DPYS: variants seen among roughly 807,000 people sequenced by gnomAD.
DPYS encodes the protein dihydropyrimidine amidohydrolase.
DPYS carries 39 observed loss-of-function variants against 50.3 expected under a neutral mutation model. The ratio of observed to expected loss-of-function variants is 0.78; its 90% CI spans 0.60 to 1.01. DPYS has a LOEUF of 1.01. Ranked by LOEUF, DPYS falls within the 50% of genes least tolerant of loss-of-function variation. The pLI, the probability that DPYS is intolerant of heterozygous loss-of-function variation, is 0.00. For missense variants in DPYS, 659 were observed against 680.9 expected, an observed-to-expected ratio of 0.97 and a Z score of 0.36; for synonymous variants, 245 against 250.7, an observed-to-expected ratio of 0.98 and a Z score of 0.22.
At chr8:104,440,556 C>A (rs557350664) in intron 4 of DPYS, among the ~76,000 whole-genome samples, 1 of 152,098 alleles carries the variant, frequency 6.6e-6, no homozygotes, top group South Asian at 2.1e-4. Flanking sequence ...TGAGCCACCT[C>A]GACCAGTCTG....
intron 8 of DPYS, among the ~76,000 whole-genome samples, chr8:104,386,435 A>G (rs903872192): frequency 5.9e-5 from 9 of 151,624 alleles, no homozygotes; most frequent in Admixed American, 5.9e-4. Flanking sequence ...TGGGAGGCTG[A>G]GGCAGGAGAA....
chr8:104,444,450 C>G lies in DPYS; in HGVS notation c.604-13G>C. ...TCTTCTTTGCTCCCTAAAAAGACAG[C>G]AGGAATGTGTATATGTGCAAGGAAG... On this transcript the variant is annotated splice_polypyrimidine_tract_variant and intron_variant, in intron 3 of 9. Coordinates refer to ENST00000351513, the MANE Select transcript of DPYS (RefSeq NM_001385.3). The G allele has an allele frequency of 1.2e-6, 2 of 1,614,016 alleles. No individual in the cohort carries two copies. The highest frequency in any genetic ancestry group is 1.7e-6 in the Non-Finnish European group (2 of 1,179,978).
chr8:104,445,219 A>G (rs1362696361), intron 3 of DPYS, among the ~76,000 whole-genome samples: 1 of 152,234 alleles, frequency 6.6e-6, no homozygotes, highest in Non-Finnish European at 1.5e-5. Context: ...TCTTCAAAAG[A>G]CTAAAAACAG....
Position 104,392,674 on chromosome 8 carries a change from T to C in DPYS, c.1443+110A>G, listed in dbSNP as rs1811428390. On this transcript the variant is annotated intron_variant, in intron 8 of 9. Coordinates refer to ENST00000351513, the MANE Select transcript of DPYS (RefSeq NM_001385.3). The stretch of plus-strand genomic sequence containing the variant: ...TCAATCCTGACACCCCAGGAATACA[T>C]TAAACCAAGTGTGATGTGTCAACAC... 8.8e-6 allele frequency: 12 copies of C among 1,356,654 alleles called. No homozygotes were observed. The Admixed American group carries it at 1.7e-4, about 19-fold the overall frequency. The allele number at this position is 1,356,654 out of a possible 1,614,324, so 84.0% of individuals were successfully genotyped here. A position where few individuals can be genotyped will look rare whatever the true frequency, so the allele number is the denominator to read the frequency against.
intron 7 of DPYS, among the ~76,000 whole-genome samples, chr8:104,405,107 T>C (rs1004110774): frequency 5.9e-5 from 9 of 152,176 alleles, no homozygotes; most frequent in African/African-American, 2.2e-4. Flanking sequence ...CCACTAAAAG[T>C]TGCAGTGGCA....
At chr8:104,409,841 G>A (rs1371483766) in intron 7 of DPYS, among the ~76,000 whole-genome samples, 1 of 152,178 alleles carries the variant, frequency 6.6e-6, no homozygotes, top group African/African-American at 2.4e-5. Flanking sequence ...AAAGAGCCTC[G>A]AAGAGGGGAG....
chr8:104,446,016 G>C (rs570933579), intron 3 of DPYS, among the ~76,000 whole-genome samples: 1 of 152,314 alleles, frequency 6.6e-6, no homozygotes, highest in African/African-American at 2.4e-5. Context: ...CTGCACTCCA[G>C]CCTAGGCAAC....
At chr8:104,382,787 A>G (rs1053096042) in intron 8 of DPYS, among the ~76,000 whole-genome samples, 1 of 151,926 alleles carries the variant, frequency 6.6e-6, no homozygotes, top group Admixed American at 6.6e-5. Flanking sequence ...TCCTCTTGGC[A>G]TTCATACTCA....
At chr8:104,406,003 T>C (rs537036264) in intron 7 of DPYS, among the ~76,000 whole-genome samples, 42 of 152,200 alleles carry the variant, frequency 2.8e-4, no homozygotes, top group Non-Finnish European at 5.1e-4. Flanking sequence ...ATTATAATCA[T>C]TCCCCTTTGA....
At chr8:104,412,731 G>A (rs1397445622) in intron 7 of DPYS, among the ~76,000 whole-genome samples, 1 of 152,184 alleles carries the variant, frequency 6.6e-6, no homozygotes, top group East Asian at 1.9e-4. Flanking sequence ...GGCAGTGAGA[G>A]CTAGTACCTG....
At chr8:104,408,842 T>C (rs2140565800) in intron 7 of DPYS, among the ~76,000 whole-genome samples, 1 of 151,730 alleles carries the variant, frequency 6.6e-6, no homozygotes, top group African/African-American at 2.4e-5. Flanking sequence ...AGATAGAGTT[T>C]CACTCTTGTT....
At chr8:104,462,510 T>G (rs1814206317) in intron 1 of DPYS, among the ~76,000 whole-genome samples, 1 of 152,154 alleles carries the variant, frequency 6.6e-6, no homozygotes, top group Admixed American at 6.5e-5. Context: ...TTTTGAGAAC[T>G]TTTTGTCCTT....
chr8:104,453,404 T>C (rs2140743913), intron 1 of DPYS, among the ~76,000 whole-genome samples: 1 of 152,356 alleles, frequency 6.6e-6, no homozygotes, highest in East Asian at 1.9e-4. Flanking sequence ...CTTCCCAGTA[T>C]GACAAGACAT....
intron 1 of DPYS, among the ~76,000 whole-genome samples, chr8:104,453,990 G>A (rs1813843579): frequency 6.6e-6 from 1 of 152,198 alleles, no homozygotes; most frequent in Non-Finnish European, 1.5e-5. Flanking sequence ...TCCAGAAGAG[G>A]CAAATCCATA....
intron 1 of DPYS, among the ~76,000 whole-genome samples, chr8:104,465,319 A>G (rs2140789893): frequency 6.6e-6 from 1 of 152,036 alleles, no homozygotes; most frequent in South Asian, 2.1e-4. Flanking sequence ...TGATGGAGAG[A>G]AGGAGGGAGG....
At chr8:104,438,430 A>T (rs1023859777) in intron 4 of DPYS, among the ~76,000 whole-genome samples, 1 of 152,224 alleles carries the variant, frequency 6.6e-6, no homozygotes, top group African/African-American at 2.4e-5. Context: ...AATATGTAGC[A>T]AACTAAAATA....
Position 104,466,940 on chromosome 8 carries a change from C to A in DPYS, c.-20G>T, listed in dbSNP as rs896591171. 1.7e-5 allele frequency: 25 copies of A among 1,432,458 alleles called. No homozygotes were observed. The East Asian group carries it at 5.9e-4, about 34-fold the overall frequency. 88.7% of individuals were successfully genotyped at this position (1,432,458 alleles called of 1,614,324 possible). A position where few individuals can be genotyped will look rare whatever the true frequency, so the allele number is the denominator to read the frequency against. ...CGCCATAGCGAGGGGCGCGCGGGGTCCTACTCGGCCCGGGCTGCGCGCAGG... is the reference window on the plus strand; with the variant it reads ...CGCCATAGCGAGGGGCGCGCGGGGTACTACTCGGCCCGGGCTGCGCGCAGG... On this transcript the variant is annotated 5_prime_UTR_variant, in exon 1 of 10. Transcript: ENST00000351513.
Position 104,466,737 on chromosome 8 carries a change from C to A in DPYS, c.184G>T (p.Gly62Ter). 1 of 1,535,756 alleles carries A rather than the reference C, an allele frequency of 6.5e-7. No individual in the cohort carries two copies. Residue 62 changes from glycine to a stop codon, truncating the protein, a stop_gained, in exon 1 of 10, where the codon GGA becomes TGA. Transcript: ENST00000351513. LOFTEE classifies it high-confidence loss of function. The part of the protein sequence containing the change: ...LDAAGKLVLP[G>*]GIDTHTHMQF... ...ATGTGCGTGTGTGTGTCGATGCCTC[C>A]GGGCAGGACGAGCTTGCCGGCGGCG...
chr8:104,451,171 G>A, intron 2 of DPYS, 75 bp downstream of exon 2: 1 of 1,587,844 alleles, frequency 6.3e-7, no homozygotes, highest in Non-Finnish European at 8.6e-7. Flanking sequence ...AGCAATCAAT[G>A]TCACCAGTTT....
Sources: allele counts gnomAD v4.1 joint callset (sites outside exome capture counted in the v4.1 genomes callset), GRCh38; gene constraint gnomAD v4.1.1; transcripts MANE v1.5; gene names NCBI Gene and HGNC (gene_info 2026-07-23, HGNC 2026-07-21).